The following FITM2 variants were observed in gnomAD, a reference collection of about 807,000 sequenced individuals.
The protein encoded by FITM2 is fat storage inducing transmembrane protein 2, also known as acyl-coenzyme A diphosphatase FITM2.
Under a neutral mutation model 23.3 loss-of-function variants are expected in FITM2, and 16 were observed. That is an observed-to-expected ratio of 0.69 (90% CI 0.47 to 1.05). The LOEUF (loss-of-function observed/expected upper bound fraction) is 1.05, where lower values mean the gene tolerates loss of function less well. Ranked by LOEUF, FITM2 falls within the 50% of genes least tolerant of loss-of-function variation. The pLI is 0.00. For missense variants in FITM2, 273 were observed against 327.5 expected (o/e 0.83, Z 1.29); for synonymous variants, 132 against 142.0 (o/e 0.93, Z 0.50).
At position 44,302,923 on chromosome 20, in the gene FITM2, T is replaced by C. The variant is rs1379832562; in HGVS notation, c.*3702A>G. 1 of 152,208 alleles carries C rather than the reference T, an allele frequency of 6.6e-6. No homozygotes were observed. The highest frequency in any genetic ancestry group is 1.5e-5 in the Non-Finnish European group (1 of 68,030). The allele number at this position is 152,208 out of a possible 1,614,324, so 9.4% of individuals were successfully genotyped here. On this transcript the variant is annotated 3_prime_UTR_variant, in exon 2 of 2. Transcript: ENST00000396825. ...TACATAACAGTGGCAAGAGCCATTC[T>C]CTAAATACAATCTGGTACCCAGACT...
Position 44,311,127 on chromosome 20 carries a change from C to G in FITM2, c.22G>C (p.Glu8Gln), listed in dbSNP as rs142368699. The change falls in exon 1 of 2, where the codon GAG becomes CAG. Residue 8 changes from glutamate to glutamine, a missense_variant. Around this residue, in one of 3 missense-constraint regions of FITM2, gnomAD observed 123 missense variants for 117.9 expected, o/e 1.04. Coordinates refer to ENST00000396825, the MANE Select transcript of FITM2 (RefSeq NM_001080472.4). ...ACCAGCGTCCCCCGCAACAACCACTCGCAGCGCTCCAGATGCTCCATGCCG... is the reference window on the plus strand; with the variant it reads ...ACCAGCGTCCCCCGCAACAACCACTGGCAGCGCTCCAGATGCTCCATGCCG... MEHLERC[E>Q]WLLRGTLVRA... 414 of 1,612,824 alleles carry G rather than the reference C, an allele frequency of 2.6e-4. 1 individual carries two copies. The highest frequency in any genetic ancestry group is 3.1e-4 in the Non-Finnish European group (366 of 1,179,468).
chr20:44,308,232 C>A, intron 1 of FITM2, among the ~76,000 whole-genome samples: 1 of 152,192 alleles, frequency 6.6e-6, no homozygotes, highest in East Asian at 1.9e-4. Context: ...GATTCAAATC[C>A]AGGATCTGTC....
intron 1 of FITM2, among the ~76,000 whole-genome samples, chr20:44,309,813 A>C (rs2062700153): frequency 6.6e-6 from 1 of 152,172 alleles, no homozygotes. Context: ...CACCTAGGCC[A>C]GAGGAAGCAG....
At chr20:44,310,894 C>G in intron 1 of FITM2, 82 bp downstream of exon 1, 1 of 1,470,336 alleles carries the variant, frequency 6.8e-7, no homozygotes, top group African/African-American at 1.4e-5. Flanking sequence ...TCGTCCACCA[C>G]GGCAGCTAGC....
intron 1 of FITM2, among the ~76,000 whole-genome samples, chr20:44,308,477 CG>C (rs1417440338): frequency 2.6e-5 from 4 of 152,132 alleles, no homozygotes; most frequent in African/African-American, 9.7e-5. Flanking sequence ...GATTAAACCA[CG>C]GTTTGGATAG....
chr20:44,306,881 G>A lies in FITM2; in HGVS notation c.533C>T (p.Thr178Met), dbSNP rs138125328. ...GGTGTGGAGGCAGTGGCTTCGGTCC[G>A]TCTTCACCTCATGCAGCACAGACAT... ...EEMSVLHEVKTDRSHCLHTAI... is the reference protein window; with the variant it reads ...EEMSVLHEVKMDRSHCLHTAI... Residue 178 changes from threonine to methionine, a missense_variant, in exon 2 of 2, where the codon ACG becomes ATG. Thr to Met is a moderately conservative substitution (Grantham distance 81, BLOSUM62 -1). This residue lies in a region of FITM2 where 117 missense variants were observed against 183.3 expected (regional missense o/e 0.64). Coordinates refer to ENST00000396825, the MANE Select transcript of FITM2 (RefSeq NM_001080472.4). 4.8e-5 allele frequency: 77 copies of A among 1,614,146 alleles called. No individual in the cohort carries two copies. Among genetic ancestry groups the A allele is most frequent in the East Asian group, 3.3e-4 (15 of 44,882 alleles).
chr20:44,310,821 C>T (rs1017198536), intron 1 of FITM2, among the ~76,000 whole-genome samples, 155 bp downstream of exon 1: 9 of 152,264 alleles, frequency 5.9e-5, no homozygotes, highest in African/African-American at 2.2e-4. Flanking sequence ...CGGGGCCTCC[C>T]AGGCGTGACA....
At position 44,305,106 on chromosome 20, in the gene FITM2, A is replaced by C. The variant is rs1170296151; in HGVS notation, c.*1519T>G. On this transcript the variant is annotated 3_prime_UTR_variant, in exon 2 of 2. Coordinates refer to ENST00000396825, the MANE Select transcript of FITM2 (RefSeq NM_001080472.4). ...CCAGAGTTTGGTTCATAACAAGTAC[A>C]TTAGTGTTCTAAACCAACCAACCAA... is the stretch of plus-strand genomic sequence containing the variant. 6.6e-6 allele frequency: 1 copy of C among 152,208 alleles called. No individual in the cohort carries two copies. Among genetic ancestry groups the C allele is most frequent in the Non-Finnish European group, 1.5e-5 (1 of 68,050 alleles). 9.4% of individuals were successfully genotyped at this position (152,208 alleles called of 1,614,324 possible).
chr20:44,310,811 C>CG (rs1438557293), intron 1 of FITM2, among the ~76,000 whole-genome samples, 165 bp downstream of exon 1: 109 of 152,358 alleles, frequency 7.2e-4, no homozygotes, highest in African/African-American at 2.4e-3. Context: ...CCAGCTACCC[C>CG]GGGGCCTCCC....
Position 44,305,648 on chromosome 20 carries a change from C to A in FITM2, c.*977G>T, listed in dbSNP as rs1381575351. The A allele has an allele frequency of 2.6e-5, 4 of 151,930 alleles. No individual in the cohort carries two copies. The highest frequency in any genetic ancestry group is 2.1e-4 in the South Asian group (1 of 4,814). 9.4% of individuals were successfully genotyped at this position (151,930 alleles called of 1,614,324 possible). A position where few individuals can be genotyped will look rare whatever the true frequency, so the allele number is the denominator to read the frequency against. ...GACCAGCCTGACCAACATGGAGAAA[C>A]CCCATCTCTACTAAAAATACAAAAT... On this transcript the variant is annotated 3_prime_UTR_variant, in exon 2 of 2. Transcript: ENST00000396825.
chr20:44,306,821 A>C lies in FITM2; in HGVS notation c.593T>G (p.Leu198Arg). Residue 198 changes from leucine to arginine, a missense_variant, in exon 2 of 2, where the codon CTG (leucine) becomes CGG (arginine). Physicochemically the swap from Leu to Arg is moderately radical, Grantham distance 102. Around this residue, in one of 3 missense-constraint regions of FITM2, gnomAD observed 117 missense variants for 183.3 expected, o/e 0.64. Transcript: ENST00000396825. ...ITTLVVALGI[L>R]TFIWVLMFLC... ...AAACATCAACACCCAGATGAAAGTC[A>C]GAATGCCCAGGGCCACAACCAGGGT... 1 of 1,614,214 alleles carries C rather than the reference A, an allele frequency of 6.2e-7. No individual in the cohort carries two copies. Among genetic ancestry groups the C allele is most frequent in the Non-Finnish European group, 8.5e-7 (1 of 1,180,044 alleles).
chr20:44,306,984 CT>C lies in FITM2; in HGVS notation c.429del (p.Gly145AlafsTer15). 3 of 1,614,226 alleles carry C rather than the reference CT, an allele frequency of 1.9e-6. No homozygotes were observed. Among genetic ancestry groups the C allele is most frequent in the Non-Finnish European group, 2.5e-6 (3 of 1,180,034 alleles). On this transcript the variant is annotated frameshift_variant, in exon 2 of 2. Coordinates refer to ENST00000396825, the MANE Select transcript of FITM2 (RefSeq NM_001080472.4). LOFTEE classifies it high-confidence loss of function. ...ATGTCAAAGCCATGCCAAAAGCCCCCTTCCTGGTGGCACTGCTGCTTGCTCT... is the reference window on the plus strand; with the variant it reads ...ATGTCAAAGCCATGCCAAAAGCCCCCTCCTGGTGGCACTGCTGCTTGCTCT... ...EHQSKQQCHQ[E>X]GGFWHGFDIS...
chr20:44,303,493 C>A lies in FITM2; in HGVS notation c.*3132G>T, dbSNP rs1431112223. ...AAGGCTCTGCAATTGACACTTTCCACATACAGTTAATTTAGTGCTGAGCCC... is the reference window on the plus strand; with the variant it reads ...AAGGCTCTGCAATTGACACTTTCCAAATACAGTTAATTTAGTGCTGAGCCC... On this transcript the variant is annotated 3_prime_UTR_variant, in exon 2 of 2. Coordinates refer to ENST00000396825, the MANE Select transcript of FITM2 (RefSeq NM_001080472.4). The A allele has an allele frequency of 6.6e-6, 1 of 152,198 alleles. No homozygotes were observed. The highest frequency in any genetic ancestry group is 1.9e-4 in the East Asian group (1 of 5,198). The allele number at this position is 152,198 out of a possible 1,614,324, so 9.4% of individuals were successfully genotyped here.
At chr20:44,309,350 T>C (rs978563177) in intron 1 of FITM2, among the ~76,000 whole-genome samples, 23 of 152,088 alleles carry the variant, frequency 1.5e-4, no homozygotes, top group Non-Finnish European at 8.8e-5. Context: ...AGGCTAATTT[T>C]TGTATTTTTA....
At chr20:44,310,064 A>G (rs1362867000) in intron 1 of FITM2, among the ~76,000 whole-genome samples, 1 of 152,198 alleles carries the variant, frequency 6.6e-6, no homozygotes, top group Non-Finnish European at 1.5e-5. Context: ...ATCTTGCCAG[A>G]GCCAAGACCC....
Position 44,306,315 on chromosome 20 carries a change from C to T in FITM2, c.*310G>A. On this transcript the variant is annotated 3_prime_UTR_variant, in exon 2 of 2. Coordinates refer to ENST00000396825, the MANE Select transcript of FITM2 (RefSeq NM_001080472.4). ...CCTTTAGCCACACCATAAAGGCTTT[C>T]CTGATTCTGCCCTTTTGCTGAGCCT... is the stretch of plus-strand genomic sequence containing the variant. The T allele has an allele frequency of 3.0e-6, 1 of 338,510 alleles. No individual in the cohort carries two copies. The highest frequency in any genetic ancestry group is 7.2e-5 in the East Asian group (1 of 13,854). The allele number at this position is 338,510 out of a possible 1,614,324, so 21.0% of individuals were successfully genotyped here.
At chr20:44,308,899 A>G (rs1201117057) in intron 1 of FITM2, among the ~76,000 whole-genome samples, 1 of 152,108 alleles carries the variant, frequency 6.6e-6, no homozygotes, top group African/African-American at 2.4e-5. Context: ...TTTAAGCCAA[A>G]GACACGGGTT....
rs376216136 is a variant in FITM2 at position 44,306,869 on chromosome 20, T to C, written c.545A>G (p.His182Arg). The C allele has an allele frequency of 2.9e-5, 46 of 1,614,034 alleles. No individual in the cohort carries two copies. The highest frequency in any genetic ancestry group is 8.3e-5 in the Admixed American group (5 of 59,976). ...VLHEVKTDRS[H>R]CLHTAITTLV... ...GGTGGTGATGGCGGTGTGGAGGCAG[T>C]GGCTTCGGTCCGTCTTCACCTCATG... Residue 182 changes from histidine to arginine, a missense_variant, in exon 2 of 2, where the codon CAC (histidine) becomes CGC (arginine). His to Arg is a conservative substitution (Grantham distance 29, BLOSUM62 0). Around this residue, in one of 3 missense-constraint regions of FITM2, gnomAD observed 117 missense variants for 183.3 expected, o/e 0.64. Transcript: ENST00000396825.
At chr20:44,307,813 C>T (rs1294263021) in intron 1 of FITM2, among the ~76,000 whole-genome samples, 5 of 151,558 alleles carry the variant, frequency 3.3e-5, no homozygotes, top group Admixed American at 1.3e-4. Flanking sequence ...GTTGGCCGGG[C>T]GCGGTGGCTC....
Sources: allele counts gnomAD v4.1 joint callset (sites outside exome capture counted in the v4.1 genomes callset), GRCh38; gene constraint gnomAD v4.1.1; regional missense constraint gnomAD v4.1.1; transcripts MANE v1.5; gene names NCBI Gene and HGNC (gene_info 2026-07-23, HGNC 2026-07-21).